DNAJC5B: variants seen among roughly 807,000 people sequenced by gnomAD.
DNAJC5B encodes the protein DnaJ heat shock protein family (Hsp40) member C5 beta, also known as dnaJ homolog subfamily C member 5B.
In DNAJC5B, 23 loss-of-function variants were observed where a neutral mutation model predicts 24.7. The ratio of observed to expected loss-of-function variants is 0.93; its 90% CI spans 0.67 to 1.32. DNAJC5B has a LOEUF of 1.32. Ranked by LOEUF, DNAJC5B falls within the 40% of genes most tolerant of loss-of-function variation. The pLI is 0.00. For missense variants in DNAJC5B, 238 were observed against 240.8 expected, an observed-to-expected ratio of 0.99 and a Z score of 0.08; for synonymous variants, 101 against 90.1, an observed-to-expected ratio of 1.12 and a Z score of -0.68.
At chr8:66,049,230 A>AGT (rs1806792745) in intron 2 of DNAJC5B, among the ~76,000 whole-genome samples, 1 of 152,248 alleles carries the variant, frequency 6.6e-6, no homozygotes, top group Admixed American at 6.5e-5. Context: ...GTCATAATGT[A>AGT]GTGTGACACA....
At chr8:66,082,728 C>T (rs1033559126) in intron 5 of DNAJC5B, among the ~76,000 whole-genome samples, 7 of 152,128 alleles carry the variant, frequency 4.6e-5, no homozygotes, top group Admixed American at 3.3e-4. Context: ...TTGAAATTTA[C>T]ACAATTTGGG....
At chr8:66,072,981 C>T (rs1045457562) in intron 3 of DNAJC5B, among the ~76,000 whole-genome samples, 1 of 152,066 alleles carries the variant, frequency 6.6e-6, no homozygotes, top group African/African-American at 2.4e-5. Context: ...AGAAGAAGGA[C>T]ACCTGTTACA....
intron 3 of DNAJC5B, among the ~76,000 whole-genome samples, chr8:66,053,862 T>A (rs1159241208): frequency 6.6e-6 from 1 of 151,926 alleles, no homozygotes; most frequent in Non-Finnish European, 1.5e-5. Context: ...CTCCCGACCT[T>A]AGGTGATCCT....
intron 3 of DNAJC5B, among the ~76,000 whole-genome samples, chr8:66,052,846 A>T (rs1361681351): frequency 2.6e-5 from 4 of 152,142 alleles, no homozygotes; most frequent in Admixed American, 2.6e-4. Flanking sequence ...AGATGTGTGG[A>T]CCTTAACCAC....
chr8:66,090,031 C>T (rs1247601222), intron 5 of DNAJC5B, among the ~76,000 whole-genome samples: 1 of 152,088 alleles, frequency 6.6e-6, no homozygotes, highest in African/African-American at 2.4e-5. Context: ...TAGGTACCAA[C>T]TTATTTCCCT....
intron 5 of DNAJC5B, among the ~76,000 whole-genome samples, chr8:66,091,206 A>G (rs1807839733): frequency 6.6e-6 from 1 of 152,198 alleles, no homozygotes; most frequent in South Asian, 2.1e-4. Context: ...CTTACAAACT[A>G]GAAGGGGAGA....
intron 1 of DNAJC5B, among the ~76,000 whole-genome samples, chr8:66,031,173 T>C (rs893296984): frequency 1.3e-5 from 2 of 152,206 alleles, no homozygotes; most frequent in Non-Finnish European, 2.9e-5. Context: ...TAAAGAACTA[T>C]ACAAATAGAA....
chr8:66,075,299 T>C (rs1276102308), intron 3 of DNAJC5B, among the ~76,000 whole-genome samples: 2 of 152,160 alleles, frequency 1.3e-5, no homozygotes, highest in East Asian at 3.9e-4. Context: ...TCTGTCTGCC[T>C]GGAGATTTCT....
intron 3 of DNAJC5B, among the ~76,000 whole-genome samples, chr8:66,065,152 A>G (rs1807163672): frequency 6.6e-6 from 1 of 152,256 alleles, no homozygotes; most frequent in Non-Finnish European, 1.5e-5. Context: ...GTTCTGTACG[A>G]GGGAAAAGAC....
intron 5 of DNAJC5B, among the ~76,000 whole-genome samples, chr8:66,085,466 G>A (rs558021972): frequency 5.1e-4 from 77 of 151,780 alleles, no homozygotes; most frequent in African/African-American, 1.7e-3. Context: ...AAATAAATCC[G>A]GGAGGCTGAG....
At chr8:66,077,271 A>G (rs556768050) in intron 4 of DNAJC5B, among the ~76,000 whole-genome samples, 1 of 152,284 alleles carries the variant, frequency 6.6e-6, no homozygotes, top group South Asian at 2.1e-4. Flanking sequence ...CAAACACAAT[A>G]CTGGGAAGAA....
intron 1 of DNAJC5B, among the ~76,000 whole-genome samples, chr8:66,042,597 CTCT>C (rs35507342): frequency 0.4 from 57,936 of 144,666 alleles, 14,296 homozygotes; most frequent in African/African-American, 0.67. Context: ...CTTCTTCTTC[CTCT>C]TCTTCTTCTT....
intron 1 of DNAJC5B, among the ~76,000 whole-genome samples, chr8:66,022,012 C>G (rs904188672): frequency 6.6e-6 from 1 of 152,090 alleles, no homozygotes; most frequent in African/African-American, 2.4e-5. Flanking sequence ...AGTACAAAAA[C>G]AAACAAAAGT....
chr8:66,098,407 T>A (rs1181980611), intron 5 of DNAJC5B, among the ~76,000 whole-genome samples: 1 of 151,938 alleles, frequency 6.6e-6, no homozygotes, highest in East Asian at 1.9e-4. Flanking sequence ...TTCACCATGT[T>A]GGCCAGGATG....
At chr8:66,076,341 G>A (rs1472341551) in intron 3 of DNAJC5B, among the ~76,000 whole-genome samples, 6 of 152,130 alleles carry the variant, frequency 3.9e-5, no homozygotes, top group Admixed American at 6.5e-5. Flanking sequence ...CTGTAGGGGC[G>A]GGCTACTGAT....
upstream of DNAJC5B, among the ~76,000 whole-genome samples, chr8:66,017,482 G>A (rs1270681883): frequency 3.9e-5 from 6 of 152,134 alleles, no homozygotes; most frequent in Non-Finnish European, 8.8e-5. Context: ...CTACAGGCAC[G>A]CTTCCATTTC....
chr8:66,029,918 A>T (rs1050609500), intron 1 of DNAJC5B, among the ~76,000 whole-genome samples: 3 of 152,112 alleles, frequency 2.0e-5, no homozygotes, highest in African/African-American at 7.2e-5. Flanking sequence ...TGGAGAAGAC[A>T]CTTCCAGTTG....
upstream of DNAJC5B, among the ~76,000 whole-genome samples, chr8:66,020,951 G>A (rs1806107118): frequency 1.3e-5 from 2 of 152,044 alleles, no homozygotes; most frequent in Admixed American, 1.3e-4. Context: ...ACTAACTCTG[G>A]ACTTTCATTT....
intron 5 of DNAJC5B, among the ~76,000 whole-genome samples, chr8:66,097,699 TA>T (rs1170751027): frequency 6.6e-6 from 1 of 152,138 alleles, no homozygotes; most frequent in Non-Finnish European, 1.5e-5. Context: ...TGTAACTTAT[TA>T]AGAGGGTTTG....
Sources: gnomAD v4.1 joint callset for allele counts (sites outside exome capture counted in the v4.1 genomes callset) on GRCh38, gnomAD v4.1.1 for gene constraint, MANE v1.5 for transcripts, NCBI Gene and HGNC (gene_info 2026-07-23, HGNC 2026-07-21) for gene names.